Variants in VPS33B observed in about 807,000 individuals in gnomAD.
VPS33B encodes vacuolar protein sorting-associated protein 33B.
Under a neutral mutation model 95.3 loss-of-function variants are expected in VPS33B, and 80 were observed. That is an observed-to-expected ratio of 0.84 (90% CI 0.70 to 1.01). The LOEUF (loss-of-function observed/expected upper bound fraction) is 1.01, where lower values mean the gene tolerates loss of function less well. Among genes scored for constraint, VPS33B ranks in the 50% least tolerant of loss-of-function variants. The probability of loss-of-function intolerance (pLI) is 0.00; values close to 1 mark genes in which losing one functional copy is unlikely to be tolerated. For missense variants in VPS33B, 715 were observed against 773.4 expected (o/e 0.92, Z 0.90); for synonymous variants, 280 against 280.4 (o/e 1.00, Z 0.01).
Position 91,005,256 on chromosome 15 carries a change from C to T in VPS33B, c.1105+124G>A. The T allele has an allele frequency of 1.2e-6, 2 of 1,612,106 alleles. No homozygotes were observed. The highest frequency in any genetic ancestry group is 1.7e-6 in the Non-Finnish European group (2 of 1,179,552). On this transcript the variant is annotated intron_variant, in intron 14 of 22. Transcript: ENST00000333371. The surrounding 1 kb of genome is among the most constrained non-coding windows in gnomAD (Gnocchi z 6.4). ...GGACCCCCAGGACTTCTAGCAGGAA[C>T]CAGCATTCCACATAGCCAGTGTCAG...
Position 91,022,403 on chromosome 15 carries a change from G to T in VPS33B, c.-154C>A, listed in dbSNP as rs2041132168. On this transcript the variant is annotated 5_prime_UTR_variant, in exon 1 of 23. In the 5' UTR this introduces an upstream ATG that the reference lacks. Transcript: ENST00000333371. ...GCCCTCGCTCCTCAGCAGCACTCCAGGAATGAATGGCCACCTCCAGGCAAG... is the reference window on the plus strand; with the variant it reads ...GCCCTCGCTCCTCAGCAGCACTCCATGAATGAATGGCCACCTCCAGGCAAG... The T allele has an allele frequency of 1.5e-6, 1 of 662,122 alleles. No individual in the cohort carries two copies. Among genetic ancestry groups the T allele is most frequent in the Non-Finnish European group, 2.5e-6 (1 of 396,154 alleles). The allele number at this position is 662,122 out of a possible 1,614,324, so 41.0% of individuals were successfully genotyped here.
In VPS33B at chr15:91,001,249, G is replaced by A. The variant is rs951895286; in HGVS notation, c.1479+140C>T. 34 of 622,166 alleles carry A rather than the reference G, an allele frequency of 5.5e-5. No homozygotes were observed. The Middle Eastern group carries it at 1.1e-3, about 20-fold the overall frequency. 38.5% of individuals were successfully genotyped at this position (622,166 alleles called of 1,614,324 possible). ...CACTTGAACCTGGGAGGCAGAGGTT[G>A]CAGTGAGCTGAGATTGTGCCACTGC... On this transcript the variant is annotated intron_variant, in intron 19 of 22. Transcript: ENST00000333371.
chr15:91,019,809 A>AT (rs5814457), intron 1 of VPS33B, among the ~76,000 whole-genome samples: 60,364 of 148,130 alleles, frequency 0.41, 14,354 homozygotes, highest in East Asian at 0.98. Context: ...GTGTAATATA[A>AT]TTTTTTTTTT....
rs1347292963 is a variant in VPS33B at position 91,000,579 on chromosome 15, CCA to C, written c.1490_1491del (p.Val497GlyfsTer5). The C allele has an allele frequency of 3.1e-6, 5 of 1,612,572 alleles. No individual in the cohort carries two copies. Among genetic ancestry groups the C allele is most frequent in the Non-Finnish European group, 4.2e-6 (5 of 1,179,142 alleles). On this transcript the variant is annotated frameshift_variant, in exon 20 of 23. Coordinates refer to ENST00000333371, the MANE Select transcript of VPS33B (RefSeq NM_018668.5). LOFTEE classifies it high-confidence loss of function. The surrounding 1 kb of genome is among the most constrained non-coding windows in gnomAD (Gnocchi z 4.9). ...ISKKLNLIPR[V>X]DGEYDLKVPR... ...GGCACTTTCAGATCATACTCGCCGT[CCA>C]CACGTGGGATCTGTAAGACAAAGGG...
Position 90,999,949 on chromosome 15 carries a change from G to A in VPS33B, c.1608C>T (p.Gly536=). The change falls in exon 21 of 23, where the codon GGC becomes GGT. Residue 536 remains glycine (G), a synonymous_variant. Transcript: ENST00000333371. The surrounding 1 kb of genome is among the most constrained non-coding windows in gnomAD (Gnocchi z 5.1). The part of the protein sequence containing the change: ...EQVLERRSWQ[G]LDEVVRLLNC... The stretch of plus-strand genomic sequence containing the variant: ...TGAGCAGCCGTACCACCTCATCAAG[G>A]CCCTGCCAGCTTCGCCGCTCTAGCA... 4.3e-6 allele frequency: 7 copies of A among 1,614,202 alleles called. No individual in the cohort carries two copies. Among genetic ancestry groups the A allele is most frequent in the Non-Finnish European group, 5.9e-6 (7 of 1,180,028 alleles).
At chr15:91,003,693 C>T (rs1451271264) in intron 16 of VPS33B, among the ~76,000 whole-genome samples, 11 of 152,178 alleles carry the variant, frequency 7.2e-5, no homozygotes, top group Admixed American at 7.2e-4. Flanking sequence ...CTGCCTTGGC[C>T]TCCCAAAGTG....
rs539723043 is a variant in VPS33B at position 91,002,783 on chromosome 15, A to G, written c.1272+302T>C. 6.6e-6 allele frequency among the ~76,000 whole-genome samples: 1 copy of G among 152,296 alleles called. No homozygotes were observed. Among genetic ancestry groups the G allele is most frequent in the South Asian group, 2.1e-4 (1 of 4,826 alleles). On this transcript the variant is annotated intron_variant, in intron 17 of 22. Coordinates refer to ENST00000333371, the MANE Select transcript of VPS33B (RefSeq NM_018668.5). The surrounding 1 kb of genome is among the most constrained non-coding windows in gnomAD (Gnocchi z 4.7). Reference sequence around the variant, plus strand: ...AGTACCAGGAAGGAAAGCTGAATCAATGCCTCACACGGTGCTAAAATGAGG... The same window carrying G: ...AGTACCAGGAAGGAAAGCTGAATCAGTGCCTCACACGGTGCTAAAATGAGG...
chr15:91,004,697 A>C (rs1189521542), intron 16 of VPS33B, among the ~76,000 whole-genome samples, 180 bp downstream of exon 16: 1 of 152,182 alleles, frequency 6.6e-6, no homozygotes, highest in African/African-American at 2.4e-5. Context: ...CTGAGGGCTA[A>C]AGCAATAAAT....
chr15:91,015,444 C>T lies in VPS33B; in HGVS notation c.240-1011G>A, dbSNP rs576958589. ...CCTATAATCCCAGCATTTTGGGAGGCCAAGGAGTGCGGATCACCTGAGGTC... is the reference window on the plus strand; with the variant it reads ...CCTATAATCCCAGCATTTTGGGAGGTCAAGGAGTGCGGATCACCTGAGGTC... On this transcript the variant is annotated intron_variant, in intron 3 of 22. Coordinates refer to ENST00000333371, the MANE Select transcript of VPS33B (RefSeq NM_018668.5). This position sits in a 1 kb window ranked among gnomAD's most constrained non-coding sequence, Gnocchi z 4.7. Among the ~76,000 whole-genome samples, 29 of 151,968 alleles carry T rather than the reference C, an allele frequency of 1.9e-4. No homozygotes were observed. The highest frequency in any genetic ancestry group is 7.0e-4 in the African/African-American group (29 of 41,464).
Position 91,015,502 on chromosome 15 carries a change from A to T in VPS33B, c.240-1069T>A, listed in dbSNP as rs1268967885. ...CAAGACCAGCCTGGCCAACATAGAGAAACTCCATCTCTACTAAAAATACAA... is the reference window on the plus strand; with the variant it reads ...CAAGACCAGCCTGGCCAACATAGAGTAACTCCATCTCTACTAAAAATACAA... On this transcript the variant is annotated intron_variant, in intron 3 of 22. Coordinates refer to ENST00000333371, the MANE Select transcript of VPS33B (RefSeq NM_018668.5). The surrounding 1 kb of genome is among the most constrained non-coding windows in gnomAD (Gnocchi z 4.7). Among the ~76,000 whole-genome samples the T allele has an allele frequency of 6.6e-6, 1 of 151,902 alleles. No homozygotes were observed. Among genetic ancestry groups the T allele is most frequent in the Non-Finnish European group, 1.5e-5 (1 of 67,966 alleles).
In VPS33B at chr15:91,009,399, C is replaced by A. The variant is rs768958149; in HGVS notation, c.403+402G>T. On this transcript the variant is annotated intron_variant, in intron 6 of 22. Coordinates refer to ENST00000333371, the MANE Select transcript of VPS33B (RefSeq NM_018668.5). The surrounding 1 kb of genome is among the most constrained non-coding windows in gnomAD (Gnocchi z 4.1). ...TCGGCTCACTGCAACCTCTGCCTCC[C>A]GGGTTCAAGCAATTCTTCTGCCTCA... Among the ~76,000 whole-genome samples, 172 of 151,860 alleles carry A rather than the reference C, an allele frequency of 1.1e-3. 3 individuals are homozygous for A. The highest frequency in any genetic ancestry group is 2.5e-4 in the Non-Finnish European group (17 of 67,978).
intron 3 of VPS33B, among the ~76,000 whole-genome samples, chr15:91,016,571 A>G (rs1011609372): frequency 6.6e-6 from 1 of 151,834 alleles, no homozygotes; most frequent in African/African-American, 2.4e-5. Flanking sequence ...TTTAGTAGAG[A>G]TGGGGTTTCA....
At position 90,999,950 on chromosome 15, in the gene VPS33B, C is replaced by A; in HGVS notation, c.1607G>T (p.Gly536Val). The change falls in exon 21 of 23, where the codon GGC becomes GTC. Residue 536 changes from glycine (G) to valine (V), a missense_variant. Coordinates refer to ENST00000333371, the MANE Select transcript of VPS33B (RefSeq NM_018668.5). This position sits in a 1 kb window ranked among gnomAD's most constrained non-coding sequence, Gnocchi z 5.1. ...GAGCAGCCGTACCACCTCATCAAGG[C>A]CCTGCCAGCTTCGCCGCTCTAGCAC... ...EQVLERRSWQGLDEVVRLLNC... is the reference protein window; with the variant it reads ...EQVLERRSWQVLDEVVRLLNC... 1 of 1,614,208 alleles carries A rather than the reference C, an allele frequency of 6.2e-7. No homozygotes were observed. Among genetic ancestry groups the A allele is most frequent in the Non-Finnish European group, 8.5e-7 (1 of 1,180,042 alleles).
In VPS33B at chr15:90,999,597, G is replaced by T. The variant is rs1343973076; in HGVS notation, c.1774+80C>A. 3.4e-6 allele frequency: 5 copies of T among 1,461,702 alleles called. No individual in the cohort carries two copies. Among genetic ancestry groups the T allele is most frequent in the Non-Finnish European group, 4.8e-6 (5 of 1,045,992 alleles). The allele number at this position is 1,461,702 out of a possible 1,614,324, so 90.5% of individuals were successfully genotyped here. A position where few individuals can be genotyped will look rare whatever the true frequency, so the allele number is the denominator to read the frequency against. On this transcript the variant is annotated intron_variant, in intron 22 of 22. Transcript: ENST00000333371. The surrounding 1 kb of genome is among the most constrained non-coding windows in gnomAD (Gnocchi z 5.1). ...GCCTCCCAAAGTGCTGAGATTACAG[G>T]TATGAACCACCGTGCCCAGCTGACA...
rs930280558 is a variant in VPS33B, at chr15:91,006,722, G to A, written c.708C>T (p.Asp236=). The part of the protein sequence containing the change: ...GHIFLLDRDV[D]FVTALCSQVV... ...CTTGGGAGCAAAGTGCTGTCACAAA[G>A]TCCACATCTGAAACAGAGATCCCTG... is the stretch of plus-strand genomic sequence containing the variant. The change falls in exon 10 of 23, where the codon GAC becomes GAT. Residue 236 remains aspartate, a synonymous_variant. Transcript: ENST00000333371. The surrounding 1 kb of genome is among the most constrained non-coding windows in gnomAD (Gnocchi z 5.4). 3.1e-6 allele frequency: 5 copies of A among 1,614,150 alleles called. No homozygotes were observed. In the East Asian group the frequency reaches 1.1e-4, roughly 36 times the overall value.
chr15:91,008,104 A>G (rs2040668675), intron 6 of VPS33B, 140 bp from the exon 7 acceptor site: 1 of 777,576 alleles, frequency 1.3e-6, no homozygotes, highest in Non-Finnish European at 2.2e-6. Flanking sequence ...TAAGCAATGG[A>G]GGCTCAAAGA....
chr15:91,001,417 A>G lies in VPS33B; in HGVS notation c.1451T>C (p.Phe484Ser). Residue 484 changes from phenylalanine to serine, a missense_variant, in exon 19 of 23, where the codon TTT (phenylalanine) becomes TCT (serine). Phe to Ser is a radical substitution (Grantham distance 155). Coordinates refer to ENST00000333371, the MANE Select transcript of VPS33B (RefSeq NM_018668.5). ...ATTCAGCTTTTTGCTGATGGCACGAAAATTGCTCCTCTTGGCCAGAGAACT... is the reference window on the plus strand; with the variant it reads ...ATTCAGCTTTTTGCTGATGGCACGAGAATTGCTCCTCTTGGCCAGAGAACT... ...AFSSLAKRSN[F>S]RAISKKLNLI... is the part of the protein sequence containing the mutation. 2 of 1,614,114 alleles carry G rather than the reference A, an allele frequency of 1.2e-6. No individual in the cohort carries two copies. The highest frequency in any genetic ancestry group is 1.7e-6 in the Non-Finnish European group (2 of 1,179,984).
At chr15:91,019,889 T>C (rs529484969) in intron 1 of VPS33B, among the ~76,000 whole-genome samples, 1 of 151,708 alleles carries the variant, frequency 6.6e-6, no homozygotes, top group East Asian at 2.0e-4. Flanking sequence ...CACCGCAACC[T>C]CCACCTCCTG....
chr15:91,002,226 C>T lies in VPS33B; in HGVS notation c.1273-44G>A, dbSNP rs745525456. The T allele has an allele frequency of 6.2e-7, 1 of 1,611,772 alleles. No individual in the cohort carries two copies. The highest frequency in any genetic ancestry group is 8.5e-7 in the Non-Finnish European group (1 of 1,178,968). ...GACTATTTACTGAGTGTCCAAAGAGCATCTAGTACTGTCAGGTACTACAGA... is the reference window on the plus strand; with the variant it reads ...GACTATTTACTGAGTGTCCAAAGAGTATCTAGTACTGTCAGGTACTACAGA... On this transcript the variant is annotated intron_variant, in intron 17 of 22. Coordinates refer to ENST00000333371, the MANE Select transcript of VPS33B (RefSeq NM_018668.5). This position sits in a 1 kb window ranked among gnomAD's most constrained non-coding sequence, Gnocchi z 4.7.
Sources: gnomAD v4.1 joint callset for allele counts (sites outside exome capture counted in the v4.1 genomes callset) on GRCh38, gnomAD v4.1.1 for gene constraint, Gnocchi (gnomAD v3.1) non-coding constraint, MANE v1.5 for transcripts, NCBI Gene and HGNC (gene_info 2026-07-23, HGNC 2026-07-21) for gene names.